Variants in RBFOX1 observed in about 807,000 individuals in gnomAD.
RBFOX1 encodes RNA binding protein fox-1 homolog 1.
Under a neutral mutation model 57.7 loss-of-function variants are expected in RBFOX1, and 8 were observed. That is an observed-to-expected ratio of 0.14 (90% CI 0.08 to 0.25). RBFOX1 has a LOEUF of 0.25. Ranked by LOEUF, RBFOX1 falls within the 10% of genes least tolerant of loss-of-function variation. The probability of loss-of-function intolerance (pLI) is 1.00; values close to 1 mark genes in which losing one functional copy is unlikely to be tolerated. For synonymous variants in RBFOX1, 326 were observed against 222.4 expected (o/e 1.47, Z -4.15); for missense variants, 611 against 548.5 (o/e 1.11, Z -1.14).
intron 2 of RBFOX1, among the ~76,000 whole-genome samples, chr16:5,467,844 A>G (rs541810509): frequency 3.3e-5 from 5 of 152,338 alleles, no homozygotes; most frequent in African/African-American, 1.2e-4. Flanking sequence ...TTCAATTAAA[A>G]CCTGAGAAGG....
intron 1 of RBFOX1, among the ~76,000 whole-genome samples, chr16:6,275,599 C>G (rs1214497315): frequency 6.6e-6 from 1 of 152,118 alleles, no homozygotes; most frequent in Non-Finnish European, 1.5e-5. Context: ...CACATCTGTA[C>G]ATATAGTCCT....
intron 4 of RBFOX1, among the ~76,000 whole-genome samples, chr16:7,392,972 C>G (rs1014046353): frequency 6.6e-6 from 1 of 152,104 alleles, no homozygotes; most frequent in Admixed American, 6.6e-5. Context: ...CTCCCAGGTT[C>G]CAGTGATTTT....
intron 1 of RBFOX1, among the ~76,000 whole-genome samples, chr16:5,281,412 GA>G (rs1408452467): frequency 6.6e-6 from 1 of 152,158 alleles, no homozygotes; most frequent in African/African-American, 2.4e-5. Context: ...GCTGCTGGAT[GA>G]AATATTCTGA....
chr16:7,115,377 A>G (rs2065666178), intron 4 of RBFOX1, among the ~76,000 whole-genome samples: 1 of 152,228 alleles, frequency 6.6e-6, no homozygotes, highest in Non-Finnish European at 1.5e-5. Context: ...TAGAGCTTAT[A>G]TTCTAATGGA....
intron 14 of RBFOX1, among the ~76,000 whole-genome samples, chr16:7,692,903 T>C (rs1246860567): frequency 6.6e-6 from 1 of 151,806 alleles, no homozygotes; most frequent in Non-Finnish European, 1.5e-5. Flanking sequence ...TTTTTTGATA[T>C]TATAAGTCTA....
chr16:5,281,083 C>A (rs1239648728), intron 1 of RBFOX1, among the ~76,000 whole-genome samples: 1 of 150,550 alleles, frequency 6.6e-6, no homozygotes, highest in Non-Finnish European at 1.5e-5. Flanking sequence ...CTATAAACTT[C>A]CCTCCTAGTA....
chr16:7,396,257 G>A (rs998285913), intron 4 of RBFOX1, among the ~76,000 whole-genome samples: 4 of 152,156 alleles, frequency 2.6e-5, no homozygotes, highest in African/African-American at 7.2e-5. Flanking sequence ...TGTCTACACC[G>A]GCTGCTCCTT....
intron 3 of RBFOX1, among the ~76,000 whole-genome samples, chr16:6,678,467 G>A (rs939686391): frequency 2.0e-5 from 3 of 151,728 alleles, no homozygotes; most frequent in African/African-American, 7.3e-5. Context: ...GTGTGTATCT[G>A]TGTGCGTGTA....
intron 1 of RBFOX1, among the ~76,000 whole-genome samples, chr16:6,159,295 T>C (rs1298225944): frequency 1.3e-5 from 2 of 152,196 alleles, no homozygotes; most frequent in African/African-American, 4.8e-5. Context: ...CAAGTTGGTC[T>C]TGAACTCCTG....
chr16:7,696,345 C>G (rs142811870), intron 14 of RBFOX1, among the ~76,000 whole-genome samples: 1 of 152,118 alleles, frequency 6.6e-6, no homozygotes, highest in Admixed American at 6.6e-5. Flanking sequence ...TCAGTAACAT[C>G]AAGAACCTTT....
intron 1 of RBFOX1, among the ~76,000 whole-genome samples, chr16:6,034,162 A>G (rs1183519778): frequency 6.6e-6 from 1 of 151,542 alleles, no homozygotes; most frequent in Non-Finnish European, 1.5e-5. Flanking sequence ...TAGTGAAACC[A>G]TGTCTCTACT....
In RBFOX1 at chr16:7,073,976, T is replaced by C. The variant is rs541570722; in HGVS notation, c.27+21878T>C. 3.9e-5 allele frequency among the ~76,000 whole-genome samples: 6 copies of C among 152,350 alleles called. No individual in the cohort carries two copies. The South Asian group carries it at 1.0e-3, about 26-fold the overall frequency. On this transcript the variant is annotated intron_variant, in intron 4 of 15. Coordinates refer to ENST00000550418, the MANE Select transcript of RBFOX1 (RefSeq NM_018723.4). ...AGACAGCTCCCTGTTTCTGTAAATA[T>C]TCTTATTTCATTGGAATATAGTCAT...
chr16:6,431,400 A>T (rs562670869), intron 2 of RBFOX1, among the ~76,000 whole-genome samples: 3 of 151,982 alleles, frequency 2.0e-5, no homozygotes, highest in Non-Finnish European at 4.4e-5. Flanking sequence ...GGGAGGGAAA[A>T]GGAGCGTTTT....
intron 1 of RBFOX1, chr16:6,059,325 G>C (rs1290021682): frequency 2.6e-5 from 4 of 152,164 alleles, no homozygotes; most frequent in Non-Finnish European, 4.4e-5. Context: ...AACTGAACAG[G>C]AGTGCGTGGT....
intron 3 of RBFOX1, among the ~76,000 whole-genome samples, chr16:6,972,357 C>T (rs559625438): frequency 4.3e-4 from 66 of 152,130 alleles, no homozygotes; most frequent in Non-Finnish European, 8.4e-4. Context: ...TTTCTCCTTT[C>T]GTGACTGGCT....
chr16:7,309,725 C>T (rs1007218948), intron 4 of RBFOX1, among the ~76,000 whole-genome samples: 1 of 152,074 alleles, frequency 6.6e-6, no homozygotes, highest in Non-Finnish European at 1.5e-5. Flanking sequence ...TGTAGTTTGT[C>T]AGGCAAATAA....
intron 4 of RBFOX1, among the ~76,000 whole-genome samples, chr16:7,318,871 T>C (rs531450236): frequency 6.6e-6 from 1 of 152,094 alleles, no homozygotes; most frequent in African/African-American, 2.4e-5. Flanking sequence ...AGACTCCCAG[T>C]AATTATAAAA....
chr16:6,553,826 G>T (rs972313372), intron 2 of RBFOX1, among the ~76,000 whole-genome samples: 1 of 152,166 alleles, frequency 6.6e-6, no homozygotes, highest in Non-Finnish European at 1.5e-5. Context: ...GCAACCCGTG[G>T]ATGGTGCCAA....
intron 3 of RBFOX1, among the ~76,000 whole-genome samples, chr16:6,805,176 TGTG>T (rs777998629): frequency 5.3e-5 from 8 of 151,730 alleles, no homozygotes; most frequent in African/African-American, 1.5e-4. Flanking sequence ...CTAAAGAAAA[TGTG>T]GTACATCTAC....
Sources: gnomAD v4.1 joint callset for allele counts (sites outside exome capture counted in the v4.1 genomes callset) on GRCh38, gnomAD v4.1.1 for gene constraint, MANE v1.5 for transcripts, NCBI Gene and HGNC (gene_info 2026-07-23, HGNC 2026-07-21) for gene names.